CDH13: variants seen among roughly 807,000 people sequenced by gnomAD.
The protein encoded by CDH13 is cadherin 13.
In CDH13, 24 loss-of-function variants were observed where a neutral mutation model predicts 63.8. That is an observed-to-expected ratio of 0.38 (90% CI 0.27 to 0.53). The LOEUF is 0.53. Ranked by LOEUF, CDH13 falls within the 20% of genes least tolerant of loss-of-function variation. The pLI is 0.85. For missense variants in CDH13, 1,049 were observed against 903.1 expected (o/e 1.16, Z -2.07); for synonymous variants, 503 against 355.3 (o/e 1.42, Z -4.67).
intron 1 of CDH13, among the ~76,000 whole-genome samples, chr16:82,828,040 T>C (rs919722754): frequency 6.6e-6 from 1 of 152,154 alleles, no homozygotes; most frequent in Non-Finnish European, 1.5e-5. Context: ...CAGAGACAGT[T>C]GGTCATCCTA....
chr16:82,800,961 GA>G (rs987898359), intron 1 of CDH13, among the ~76,000 whole-genome samples: 4 of 151,958 alleles, frequency 2.6e-5, no homozygotes, highest in African/African-American at 9.6e-5. Context: ...TAAACAAGGA[GA>G]AAAAAAGGGA....
At chr16:82,980,060 C>T (rs1205757038) in intron 2 of CDH13, among the ~76,000 whole-genome samples, 1 of 152,100 alleles carries the variant, frequency 6.6e-6, no homozygotes, top group Non-Finnish European at 1.5e-5. Context: ...CAAGGGATGG[C>T]ACCACCCCCA....
intron 4 of CDH13, among the ~76,000 whole-genome samples, chr16:83,130,698 T>C (rs2036006018): frequency 3.9e-5 from 6 of 152,196 alleles, no homozygotes; most frequent in Admixed American, 3.9e-4. Context: ...TATAAAATTA[T>C]CATAAAAGAC....
At chr16:83,691,020 C>T (rs556181527) in intron 10 of CDH13, among the ~76,000 whole-genome samples, 1 of 151,778 alleles carries the variant, frequency 6.6e-6, no homozygotes, top group South Asian at 2.1e-4. Context: ...CTGGGCCAGG[C>T]CCTGAATGTT....
At chr16:82,662,045 C>A (rs1912010639) in intron 1 of CDH13, among the ~76,000 whole-genome samples, 1 of 152,200 alleles carries the variant, frequency 6.6e-6, no homozygotes, top group Admixed American at 6.5e-5. Flanking sequence ...TGTAGGACAT[C>A]CCCGCCATCA....
At chr16:82,821,700 A>G (rs1463846528) in intron 1 of CDH13, among the ~76,000 whole-genome samples, 7 of 152,228 alleles carry the variant, frequency 4.6e-5, no homozygotes, top group African/African-American at 1.7e-4. Context: ...CCCTGACCTT[A>G]AACAATAAAG....
At chr16:83,450,177 A>G (rs1338962099) in intron 6 of CDH13, among the ~76,000 whole-genome samples, 3 of 152,166 alleles carry the variant, frequency 2.0e-5, no homozygotes, top group African/African-American at 7.2e-5. Flanking sequence ...GCACATTCCC[A>G]GATAGCTCCT....
chr16:83,414,667 G>C (rs1251781941), intron 6 of CDH13, among the ~76,000 whole-genome samples: 1 of 152,208 alleles, frequency 6.6e-6, no homozygotes, highest in Admixed American at 6.5e-5. Flanking sequence ...GAACCATGCA[G>C]TATTAGTCTT....
At chr16:83,063,475 G>A (rs1004718985) in intron 3 of CDH13, among the ~76,000 whole-genome samples, 14 of 152,244 alleles carry the variant, frequency 9.2e-5, no homozygotes, top group East Asian at 5.8e-4. Context: ...AAACCACCCC[G>A]CAGAGAGAAT....
chr16:82,719,354 C>T (rs150403422), intron 1 of CDH13: 4 of 455,606 alleles, frequency 8.8e-6, no homozygotes, highest in African/African-American at 8.0e-5. Context: ...TCTACATTTT[C>T]TTTGGAGTCA....
intron 6 of CDH13, among the ~76,000 whole-genome samples, chr16:83,391,806 A>T (rs1425029784): frequency 6.6e-6 from 1 of 152,120 alleles, no homozygotes; most frequent in Non-Finnish European, 1.5e-5. Flanking sequence ...AAACAAGATC[A>T]CCTCTTTTGA....
intron 3 of CDH13, among the ~76,000 whole-genome samples, chr16:83,075,413 C>T (rs1214373413): frequency 6.6e-6 from 1 of 152,180 alleles, no homozygotes; most frequent in Non-Finnish European, 1.5e-5. Context: ...CTGGGTTCTT[C>T]TTTCCCAGTC....
At chr16:82,861,364 A>C (rs111978406) in intron 2 of CDH13, among the ~76,000 whole-genome samples, 1 of 152,188 alleles carries the variant, frequency 6.6e-6, no homozygotes, top group African/African-American at 2.4e-5. Flanking sequence ...TAATCAATCA[A>C]TTGATGTCTA....
rs1008717749 is a variant in CDH13 at position 83,066,818 on chromosome 16, C to A, written c.366+34600C>A. Among the ~76,000 whole-genome samples, 3 of 152,128 alleles carry A rather than the reference C, an allele frequency of 2.0e-5. No individual in the cohort carries two copies. In the East Asian group the frequency reaches 5.8e-4, roughly 29 times the overall value. ...AGCACATTTTCTGCTTCTACTCTACCCTTCATGGAAGACCAATTCATAATC... is the reference window on the plus strand; with the variant it reads ...AGCACATTTTCTGCTTCTACTCTACACTTCATGGAAGACCAATTCATAATC... On this transcript the variant is annotated intron_variant, in intron 3 of 13. Coordinates refer to ENST00000567109, the MANE Select transcript of CDH13 (RefSeq NM_001257.5).
intron 2 of CDH13, among the ~76,000 whole-genome samples, chr16:83,003,942 C>T (rs1423269240): frequency 1.3e-5 from 2 of 152,046 alleles, no homozygotes; most frequent in Non-Finnish European, 2.9e-5. Context: ...TGGATTTGCT[C>T]CATGTAAATA....
chr16:82,973,045 C>G (rs1221985278), intron 2 of CDH13, among the ~76,000 whole-genome samples: 1 of 152,156 alleles, frequency 6.6e-6, no homozygotes, highest in African/African-American at 2.4e-5. Context: ...TTTACTGCCA[C>G]TTTTTGAAAT....
In CDH13 at chr16:83,602,497, A is replaced by G; in HGVS notation, c.1004A>G (p.Asp335Gly). The G allele has an allele frequency of 1.2e-6, 2 of 1,613,978 alleles. No homozygotes were observed. Among genetic ancestry groups the G allele is most frequent in the Non-Finnish European group, 1.7e-6 (2 of 1,179,840 alleles). The change falls in exon 8 of 14, where the codon GAT becomes GGT. Residue 335 changes from aspartate (D) to glycine (G), a missense_variant. Coordinates refer to ENST00000567109, the MANE Select transcript of CDH13 (RefSeq NM_001257.5). ...TATGAACTGATCATCGAGGCTCAAG[A>G]TATGGCTGGACTGGATGTTGGATTA... Reference protein sequence around the residue: ...PKYELIIEAQDMAGLDVGLTG... With the variant: ...PKYELIIEAQGMAGLDVGLTG...
chr16:82,702,035 T>C (rs2031072435), intron 1 of CDH13, among the ~76,000 whole-genome samples: 1 of 152,144 alleles, frequency 6.6e-6, no homozygotes, highest in Non-Finnish European at 1.5e-5. Flanking sequence ...ACTCAAGGTG[T>C]TCTGTCACCC....
intron 6 of CDH13, among the ~76,000 whole-genome samples, chr16:83,476,005 G>T (rs377294342): frequency 6.6e-6 from 1 of 152,192 alleles, no homozygotes. Context: ...TTTAGTGTCA[G>T]TTAAGTATCA....
Sources: gnomAD v4.1 joint callset for allele counts (sites outside exome capture counted in the v4.1 genomes callset) on GRCh38, gnomAD v4.1.1 for gene constraint, MANE v1.5 for transcripts, NCBI Gene and HGNC (gene_info 2026-07-23, HGNC 2026-07-21) for gene names.